Variants in SGCG observed in about 807,000 individuals in gnomAD.
The protein encoded by SGCG is sarcoglycan gamma, also known as gamma-sarcoglycan.
A neutral mutation model predicts 29.3 loss-of-function variants in SGCG; 26 were observed. The observed-to-expected ratio is 0.89, with a 90% confidence interval of 0.65 to 1.23. SGCG has a LOEUF of 1.23. Ranked by LOEUF, SGCG falls within the 50% of genes most tolerant of loss-of-function variation. The pLI, the probability that SGCG is intolerant of heterozygous loss-of-function variation, is 0.00. For missense variants in SGCG, 353 were observed against 356.0 expected, an observed-to-expected ratio of 0.99 and a Z score of 0.07; for synonymous variants, 145 against 129.7, an observed-to-expected ratio of 1.12 and a Z score of -0.80.
rs199905729 is a variant in SGCG, at chr13:23,295,416, G to T, written c.507G>T (p.Gly169=). 147 of 1,612,608 alleles carry T rather than the reference G, an allele frequency of 9.1e-5. No individual in the cohort carries two copies. Among genetic ancestry groups the T allele is most frequent in the Non-Finnish European group, 1.0e-4 (122 of 1,178,832 alleles). ...VVGTDKLRVT[G]PEGALFEHSV... Reference sequence around the variant, plus strand: ...GATACATCTTTGTTTTTTGTTTAGGGCCTGAAGGGGCTCTTTTTGAACATT... The same window carrying T: ...GATACATCTTTGTTTTTTGTTTAGGTCCTGAAGGGGCTCTTTTTGAACATT... The change falls in exon 6 of 8, where the codon GGG becomes GGT. Residue 169 remains glycine (G), a splice_region_variant and synonymous_variant. Transcript: ENST00000218867.
At chr13:23,181,706 CAT>C (rs1236315450) in intron 1 of SGCG, among the ~76,000 whole-genome samples, 2 of 152,132 alleles carry the variant, frequency 1.3e-5, no homozygotes, top group Non-Finnish European at 2.9e-5. Flanking sequence ...TAAAAGTACA[CAT>C]GTGCTAATGC....
At chr13:23,277,180 A>G (rs1001789693) in intron 4 of SGCG, among the ~76,000 whole-genome samples, 1 of 152,236 alleles carries the variant, frequency 6.6e-6, no homozygotes, top group Non-Finnish European at 1.5e-5. Flanking sequence ...AAGGCCTCCT[A>G]GAATTGTAAG....
At chr13:23,243,003 G>A (rs1448884042) in intron 3 of SGCG, among the ~76,000 whole-genome samples, 1 of 152,096 alleles carries the variant, frequency 6.6e-6, no homozygotes, top group Non-Finnish European at 1.5e-5. Flanking sequence ...CACGTTGATT[G>A]TTTTAAGGTA....
chr13:23,262,521 A>G (rs955528501), intron 4 of SGCG, among the ~76,000 whole-genome samples: 5 of 152,064 alleles, frequency 3.3e-5, no homozygotes, highest in African/African-American at 1.2e-4. Context: ...AATTACTACT[A>G]TACCTAAGAA....
chr13:23,320,615 G>GGTTTTTTT, intron 6 of SGCG, 22 bp from the exon 7 acceptor site: 2 of 710,898 alleles, frequency 2.8e-6, no homozygotes, highest in Admixed American at 4.8e-5. Context: ...TTTTTTTTTT[G>GGTTTTTTT]TGCTTCTTTT....
rs1883089425 is a variant in SGCG at position 23,322,763 on chromosome 13, C to CCA, written c.703-1605_703-1604insCA. ...GGCGATGCACAGACCGCCCCCCACC[C>CCA]ATCCACCTCCCCCCCCCCCCCCCCC... On this transcript the variant is annotated intron_variant, in intron 7 of 7. Transcript: ENST00000218867. 7.8e-5 allele frequency among the ~76,000 whole-genome samples: 3 copies of CCA among 38,356 alleles called. 1 individual carries two copies. Among genetic ancestry groups the CCA allele is most frequent in the Non-Finnish European group, 1.5e-4 (3 of 20,298 alleles). The allele number at this position is 38,356 out of a possible 152,430, so 25.2% of individuals were successfully genotyped here.
the SGCG span, among the ~76,000 whole-genome samples, chr13:23,165,790 G>A: frequency 6.6e-6 from 1 of 152,172 alleles, no homozygotes; most frequent in African/African-American, 2.4e-5. Flanking sequence ...GCTTCCCAAA[G>A]TGCTGGGATT....
At chr13:23,219,331 G>A (rs1199835732) in intron 2 of SGCG, among the ~76,000 whole-genome samples, 3 of 152,176 alleles carry the variant, frequency 2.0e-5, no homozygotes, top group African/African-American at 4.8e-5. Flanking sequence ...ACAGGCGTGA[G>A]CCACCACGCC....
At chr13:23,274,110 T>G (rs949337275) in intron 4 of SGCG, among the ~76,000 whole-genome samples, 5 of 152,218 alleles carry the variant, frequency 3.3e-5, no homozygotes, top group African/African-American at 1.2e-4. Context: ...TAAAAATCTT[T>G]TTTGTCATAT....
chr13:23,256,542 C>T (rs1018330074), intron 4 of SGCG, among the ~76,000 whole-genome samples: 3 of 151,712 alleles, frequency 2.0e-5, no homozygotes, highest in Middle Eastern at 3.2e-3. Flanking sequence ...CCCCACCCCA[C>T]GACAGGCCCC....
chr13:23,206,717 A>G (rs1038443161), intron 2 of SGCG, among the ~76,000 whole-genome samples: 1 of 152,214 alleles, frequency 6.6e-6, no homozygotes, highest in South Asian at 2.1e-4. Flanking sequence ...TGCCATTTTC[A>G]ATAACATCAA....
intron 4 of SGCG, among the ~76,000 whole-genome samples, chr13:23,256,311 T>A (rs1388029941): frequency 8.5e-5 from 13 of 152,272 alleles, no homozygotes; most frequent in Non-Finnish European, 1.5e-5. Flanking sequence ...AAATACCAGA[T>A]AAATAATTCA....
chr13:23,217,570 G>A (rs1414551734), intron 2 of SGCG: 1 of 152,002 alleles, frequency 6.6e-6, no homozygotes, highest in Non-Finnish European at 1.5e-5. Context: ...TCTGTCCCGT[G>A]ATTCTCTTCT....
intron 2 of SGCG, among the ~76,000 whole-genome samples, chr13:23,218,215 A>G (rs1878505008): frequency 6.6e-6 from 1 of 152,228 alleles, no homozygotes; most frequent in East Asian, 1.9e-4. Flanking sequence ...ATTTAGTAAG[A>G]AAACATGTTA....
At chr13:23,177,993 C>G (rs960422191), upstream of SGCG, among the ~76,000 whole-genome samples, 1 of 152,138 alleles carries the variant, frequency 6.6e-6, no homozygotes, top group East Asian at 1.9e-4. Flanking sequence ...TGATTCCAAA[C>G]TCCCCAGGAC....
the SGCG span, among the ~76,000 whole-genome samples, chr13:23,166,674 A>G: frequency 6.6e-6 from 1 of 152,216 alleles, no homozygotes; most frequent in Non-Finnish European, 1.5e-5. Context: ...CTTGTGTGCC[A>G]GAGGGGAAAT....
intron 1 of SGCG, among the ~76,000 whole-genome samples, chr13:23,202,982 TG>T (rs1262947252): frequency 6.6e-6 from 1 of 152,112 alleles, no homozygotes; most frequent in Non-Finnish European, 1.5e-5. Flanking sequence ...TTTTTTGAGA[TG>T]GAGTCTCACT....
chr13:23,252,667 G>A lies in SGCG; in HGVS notation c.385+1950G>A, dbSNP rs143487963. 4.6e-3 allele frequency among the ~76,000 whole-genome samples: 698 copies of A among 152,130 alleles called. 3 individuals carry two copies. Among genetic ancestry groups the A allele is most frequent in the Middle Eastern group, 6.8e-3 (2 of 294 alleles). Reference sequence around the variant, plus strand: ...GATCGCATCACTGCACTCCAGCCTGGGCGACAGAGTGAGACTGTGTCTCAA... The same window carrying A: ...GATCGCATCACTGCACTCCAGCCTGAGCGACAGAGTGAGACTGTGTCTCAA... On this transcript the variant is annotated intron_variant, in intron 4 of 7. Transcript: ENST00000218867.
chr13:23,271,894 T>G (rs967568922), intron 4 of SGCG, among the ~76,000 whole-genome samples: 1 of 152,218 alleles, frequency 6.6e-6, no homozygotes, highest in Admixed American at 6.5e-5. Context: ...ATTAAATGAA[T>G]TTCTAAATTT....
Sources: gnomAD v4.1 joint callset for allele counts (sites outside exome capture counted in the v4.1 genomes callset) on GRCh38, gnomAD v4.1.1 for gene constraint, MANE v1.5 for transcripts, NCBI Gene and HGNC (gene_info 2026-07-23, HGNC 2026-07-21) for gene names.